Variants in BMPR1B observed in about 807,000 individuals in gnomAD.
The protein encoded by BMPR1B is bone morphogenetic protein receptor type 1B, also known as bone morphogenetic protein receptor type-1B.
A neutral mutation model predicts 59.1 loss-of-function variants in BMPR1B; 12 were observed. The ratio of observed to expected loss-of-function variants is 0.20; its 90% confidence interval spans 0.13 to 0.33. The LOEUF (loss-of-function observed/expected upper bound fraction) is 0.33, where lower values mean the gene tolerates loss of function less well. Among genes scored for constraint, BMPR1B ranks in the 10% least tolerant of loss-of-function variants. The probability of loss-of-function intolerance (pLI) is 1.00; values close to 1 mark genes in which losing one functional copy is unlikely to be tolerated. For missense variants in BMPR1B, 550 were observed against 610.9 expected, an observed-to-expected ratio of 0.90 and a Z score of 1.05; for synonymous variants, 237 against 207.3, an observed-to-expected ratio of 1.14 and a Z score of -1.23.
intron 2 of BMPR1B, among the ~76,000 whole-genome samples, chr4:94,984,344 A>G (rs915990102): frequency 1.3e-5 from 2 of 152,352 alleles, no homozygotes; most frequent in African/African-American, 4.8e-5. Flanking sequence ...ATTGATTGCC[A>G]GTAAACTCAA....
chr4:95,044,656 G>A (rs919373072), intron 3 of BMPR1B, among the ~76,000 whole-genome samples: 1 of 152,148 alleles, frequency 6.6e-6, no homozygotes, highest in African/African-American at 2.4e-5. Context: ...TGTGTCGCTC[G>A]TTCAAGGGAG....
intron 3 of BMPR1B, among the ~76,000 whole-genome samples, chr4:95,015,300 T>A (rs1723509789): frequency 6.6e-6 from 1 of 152,220 alleles, no homozygotes; most frequent in African/African-American, 2.4e-5. Flanking sequence ...GCCTTTTTAA[T>A]GTTCTTTGTA....
At chr4:94,907,355 T>C (rs77018270) in intron 2 of BMPR1B, among the ~76,000 whole-genome samples, 2,193 of 152,202 alleles carry the variant, frequency 0.014, 42 homozygotes, top group African/African-American at 0.045. Context: ...AAGGGAATCA[T>C]GCTATGTTAA....
intron 1 of BMPR1B, among the ~76,000 whole-genome samples, chr4:94,793,306 T>G (rs1234916316): frequency 1.3e-5 from 2 of 152,020 alleles, no homozygotes; most frequent in East Asian, 3.9e-4. Context: ...CTGAGAATGA[T>G]GATTTCCAGT....
chr4:94,873,410 C>CTTTTTTTT (rs35696562), intron 1 of BMPR1B, among the ~76,000 whole-genome samples: 1 of 139,626 alleles, frequency 7.2e-6, no homozygotes, highest in African/African-American at 2.7e-5. Flanking sequence ...GCTATGAATT[C>CTTTTTTTT]TTTTTTTTTT....
chr4:95,131,829 G>C (rs1733382644), intron 10 of BMPR1B, among the ~76,000 whole-genome samples: 1 of 152,188 alleles, frequency 6.6e-6, no homozygotes. Context: ...GTAGGAAAAA[G>C]TTTTGGGGAA....
At chr4:94,964,266 A>G (rs558800337) in intron 2 of BMPR1B, among the ~76,000 whole-genome samples, 153 of 152,274 alleles carry the variant, frequency 1.0e-3, no homozygotes, top group African/African-American at 3.6e-3. Context: ...ACCTACAAAC[A>G]AAGATAATTT....
chr4:94,762,335 T>G (rs1721810942), intron 1 of BMPR1B, among the ~76,000 whole-genome samples: 1 of 152,158 alleles, frequency 6.6e-6, no homozygotes, highest in African/African-American at 2.4e-5. Context: ...ATAGTGAAAT[T>G]TGCCATTAGG....
At chr4:94,828,346 A>G (rs1724455813) in intron 1 of BMPR1B, among the ~76,000 whole-genome samples, 1 of 152,164 alleles carries the variant, frequency 6.6e-6, no homozygotes, top group African/African-American at 2.4e-5. Flanking sequence ...ATACATGGTA[A>G]TAATTTGGGT....
chr4:94,923,570 G>A (rs1249360177), intron 2 of BMPR1B, among the ~76,000 whole-genome samples: 1 of 152,150 alleles, frequency 6.6e-6, no homozygotes, highest in African/African-American at 2.4e-5. Flanking sequence ...TGATAAATGA[G>A]TGAACCTTCT....
intron 1 of BMPR1B, among the ~76,000 whole-genome samples, chr4:94,857,688 A>T (rs2865411): frequency 0.13 from 20,004 of 152,174 alleles, 1,408 homozygotes; most frequent in African/African-American, 0.15. Context: ...CAGGTCATTT[A>T]TTATTACTTG....
chr4:94,826,565 CT>C (rs955065396), intron 1 of BMPR1B, among the ~76,000 whole-genome samples: 22 of 148,968 alleles, frequency 1.5e-4, no homozygotes, highest in South Asian at 4.3e-4. Context: ...TTTTACAAGA[CT>C]TTTTTTTTTA....
chr4:95,152,636 T>C lies in BMPR1B; in HGVS notation c.1253-7T>C. On this transcript the variant is annotated splice_region_variant and splice_polypyrimidine_tract_variant and intron_variant, in intron 11 of 12. Transcript: ENST00000515059. ...TAATAATAATAATAGTAACAACATA[T>C]TTTTAGGTATAGTGGAAGAATACCA... The C allele has an allele frequency of 1.3e-6, 2 of 1,533,662 alleles. No homozygotes were observed. Among genetic ancestry groups the C allele is most frequent in the Non-Finnish European group, 8.8e-7 (1 of 1,133,278 alleles).
At position 95,031,448 on chromosome 4, in the gene BMPR1B, T is replaced by A. The variant is rs545415102; in HGVS notation, c.-18+35314T>A. 2.0e-5 allele frequency among the ~76,000 whole-genome samples: 3 copies of A among 152,214 alleles called. No homozygotes were observed. In the East Asian group the frequency reaches 5.8e-4, roughly 29 times the overall value. On this transcript the variant is annotated intron_variant, in intron 3 of 12. Coordinates refer to ENST00000515059, the MANE Select transcript of BMPR1B (RefSeq NM_001203.3). Reference sequence around the variant, plus strand: ...CATACAGAGAATATTATGGATGGATTGCAGATATATTTTTTTTGAGACAGG... The same window carrying A: ...CATACAGAGAATATTATGGATGGATAGCAGATATATTTTTTTTGAGACAGG...
chr4:94,803,744 A>G (rs530276964), intron 1 of BMPR1B, among the ~76,000 whole-genome samples: 1 of 152,120 alleles, frequency 6.6e-6, no homozygotes, highest in Admixed American at 6.5e-5. Context: ...GAAGTTGAAT[A>G]TTTCTTCTTT....
rs1223513751 is a variant in BMPR1B at position 95,000,519 on chromosome 4, AAGAG to A, written c.-18+4395_-18+4398del. 4.6e-5 allele frequency among the ~76,000 whole-genome samples: 7 copies of A among 152,038 alleles called. No homozygotes were observed. The East Asian group carries it at 9.7e-4, about 21-fold the overall frequency. ...GACTCCATATCGAAAGAAAGAAAGA[AAGAG>A]AGAGAGAGAAAGAGAGAAAGAAAGA... On this transcript the variant is annotated intron_variant, in intron 3 of 12. Transcript: ENST00000515059.
At chr4:95,121,735 T>C (rs1312062388) in intron 6 of BMPR1B, among the ~76,000 whole-genome samples, 1 of 152,116 alleles carries the variant, frequency 6.6e-6, no homozygotes, top group African/African-American at 2.4e-5. Context: ...GGTGAAATTA[T>C]TTCAAAATAA....
At chr4:94,924,972 G>A (rs1374786760) in intron 2 of BMPR1B, among the ~76,000 whole-genome samples, 1 of 152,066 alleles carries the variant, frequency 6.6e-6, no homozygotes, top group Non-Finnish European at 1.5e-5. Flanking sequence ...TACTTTCCTA[G>A]AAGTAAAATC....
chr4:94,903,106 A>G (rs1203193683), intron 2 of BMPR1B, among the ~76,000 whole-genome samples: 1 of 152,086 alleles, frequency 6.6e-6, no homozygotes, highest in African/African-American at 2.4e-5. Context: ...CTAAGTGCAT[A>G]TTATATGCAA....
Sources: allele counts gnomAD v4.1 joint callset (sites outside exome capture counted in the v4.1 genomes callset), GRCh38; gene constraint gnomAD v4.1.1; transcripts MANE v1.5; gene names NCBI Gene and HGNC (gene_info 2026-07-23, HGNC 2026-07-21).